CCDC187: variants seen among roughly 807,000 people sequenced by gnomAD.
The protein encoded by CCDC187 is coiled-coil domain-containing protein 187.
In CCDC187, 32 loss-of-function variants were observed where a neutral mutation model predicts 38.0. The observed-to-expected ratio is 0.84, with a 90% confidence interval of 0.64 to 1.13. The LOEUF is 1.13. Ranked by LOEUF, CCDC187 falls within the 50% of genes most tolerant of loss-of-function variation. CCDC187 has a pLI of 0.00. For synonymous variants in CCDC187, 333 were observed against 347.9 expected (o/e 0.96, Z 0.48); for missense variants, 707 against 786.8 (o/e 0.90, Z 1.21).
At chr9:136,289,926 C>T (rs1033088383) in intron 7 of CCDC187, 33 bp downstream of exon 7, 14 of 396,896 alleles carry the variant, frequency 3.5e-5, no homozygotes, top group Middle Eastern at 6.2e-4. Flanking sequence ...AGGCCCCGCC[C>T]GGCATGTGCA....
rs1423216302 is a variant in CCDC187, at chr9:136,250,310, G to A, written c.*3284C>T. The A allele has an allele frequency of 1.2e-5, 2 of 173,282 alleles. No homozygotes were observed. Among genetic ancestry groups the A allele is most frequent in the Non-Finnish European group, 2.5e-5 (2 of 80,292 alleles). The allele number at this position is 173,282 out of a possible 1,614,324, so 10.7% of individuals were successfully genotyped here. On this transcript the variant is annotated 3_prime_UTR_variant, in exon 26 of 26. Coordinates refer to ENST00000638797, the MANE Select transcript of CCDC187 (RefSeq NM_001378188.1). Reference sequence around the variant, plus strand: ...CCCTACCACCTGCCAGCGACGCGAGGCACCTGCTGGGCTCCCAGGGAAAGT... The same window carrying A: ...CCCTACCACCTGCCAGCGACGCGAGACACCTGCTGGGCTCCCAGGGAAAGT...
chr9:136,282,595 A>G (rs1221969371), intron 9 of CCDC187, among the ~76,000 whole-genome samples: 1 of 152,146 alleles, frequency 6.6e-6, no homozygotes, highest in Non-Finnish European at 1.5e-5. Context: ...GTGACCCAGA[A>G]CCCACTGGAG....
intron 14 of CCDC187, among the ~76,000 whole-genome samples, chr9:136,269,897 G>A (rs782367301): frequency 6.6e-6 from 1 of 152,068 alleles, no homozygotes; most frequent in Non-Finnish European, 1.5e-5. Context: ...GATATAAAAC[G>A]AAAAGATCCA....
At position 136,283,814 on chromosome 9, in the gene CCDC187, C is replaced by T. The variant is rs1051211247; in HGVS notation, c.2927+1699G>A. ...CCTTTTCAAAAATTCTCACTGCCTC[C>T]GCCTCTGCCTCCCACCCCTTCTCAA... On this transcript the variant is annotated intron_variant, in intron 9 of 25. Transcript: ENST00000638797. Among the ~76,000 whole-genome samples the T allele has an allele frequency of 3.4e-3, 512 of 152,330 alleles. 5 individuals are homozygous for T. Among genetic ancestry groups the T allele is most frequent in the Middle Eastern group, 0.014 (4 of 294 alleles).
intron 9 of CCDC187, among the ~76,000 whole-genome samples, 174 bp from the exon 10 acceptor site, chr9:136,281,837 G>T (rs1050548906): frequency 1.3e-5 from 2 of 152,194 alleles, no homozygotes; most frequent in Non-Finnish European, 2.9e-5. Context: ...AAAGCCTGGC[G>T]GGGGAAGGGC....
At chr9:136,290,148 G>A in intron 6 of CCDC187, 95 bp from the exon 7 acceptor site, 3 of 398,108 alleles carry the variant, frequency 7.5e-6, no homozygotes, top group Admixed American at 4.4e-5. Context: ...CCTCCCTTGG[G>A]GGTCTCAGGC....
chr9:136,272,096 T>C (rs1296719437), intron 14 of CCDC187, among the ~76,000 whole-genome samples: 1 of 151,600 alleles, frequency 6.6e-6, no homozygotes, highest in Non-Finnish European at 1.5e-5. Context: ...AAAACAGAGA[T>C]GAGATGAAGG....
At chr9:136,279,182 G>C (rs1017245285) in intron 10 of CCDC187, among the ~76,000 whole-genome samples, 8 of 151,946 alleles carry the variant, frequency 5.3e-5, no homozygotes, top group Admixed American at 2.0e-4. Context: ...AATCTAGAAG[G>C]TTCCATTGGA....
chr9:136,277,937 C>G (rs2131228052), intron 10 of CCDC187, among the ~76,000 whole-genome samples: 1 of 152,328 alleles, frequency 6.6e-6, no homozygotes, highest in South Asian at 2.1e-4. Context: ...AGCCATGAAC[C>G]ACAGCTAAGC....
chr9:136,281,713 A>G (rs1831047923), intron 9 of CCDC187, 50 bp from the exon 10 acceptor site: 2 of 398,594 alleles, frequency 5.0e-6, no homozygotes, highest in Non-Finnish European at 8.8e-6. Flanking sequence ...TGGAGGAGAC[A>G]GGAGGCAGGG....
At chr9:136,301,334 CA>C (rs1831676046) in intron 2 of CCDC187, among the ~76,000 whole-genome samples, 1 of 132,994 alleles carries the variant, frequency 7.5e-6, no homozygotes, top group African/African-American at 2.9e-5. Flanking sequence ...CACAAAAGGA[CA>C]AATTCTGTGA....
At position 136,286,585 on chromosome 9, in the gene CCDC187, G is replaced by A. The variant is rs1239286961; in HGVS notation, c.2333C>T (p.Pro778Leu). ...CTGGAGCTCCAGGGATCCCAGAGAGGGTGAAGCTGACAGCAGCACGGGGGC... is the reference window on the plus strand; with the variant it reads ...CTGGAGCTCCAGGGATCCCAGAGAGAGTGAAGCTGACAGCAGCACGGGGGC... Reference protein sequence around the residue: ...RDAPVLLSASPSLGSLELQDL... With the variant: ...RDAPVLLSASLSLGSLELQDL... Residue 778 changes from proline to leucine, a missense_variant, in exon 8 of 26, where the codon CCC becomes CTC. By Grantham distance (98) the Pro-to-Leu change is moderately conservative. Coordinates refer to ENST00000638797, the MANE Select transcript of CCDC187 (RefSeq NM_001378188.1). 9 of 398,674 alleles carry A rather than the reference G, an allele frequency of 2.3e-5. No individual in the cohort carries two copies. Among genetic ancestry groups the A allele is most frequent in the Admixed American group, 4.4e-5 (1 of 22,728 alleles). The allele number at this position is 398,674 out of a possible 1,614,324, so 24.7% of individuals were successfully genotyped here. A position where few individuals can be genotyped will look rare whatever the true frequency, so the allele number is the denominator to read the frequency against.
In CCDC187 at chr9:136,265,949, G is replaced by A; in HGVS notation, c.3735+7C>T. The A allele has an allele frequency of 1.0e-6, 1 of 985,400 alleles. No homozygotes were observed. The highest frequency in any genetic ancestry group is 1.2e-6 in the Non-Finnish European group (1 of 829,842). The allele number at this position is 985,400 out of a possible 1,614,324, so 61.0% of individuals were successfully genotyped here. A position where few individuals can be genotyped will look rare whatever the true frequency, so the allele number is the denominator to read the frequency against. On this transcript the variant is annotated splice_region_variant and intron_variant, in intron 17 of 25. Transcript: ENST00000638797. ...ACCCTGACCCACCAGGCCTGTGCTG[G>A]CCCCACCTGCTCCTTCTCCAATCTG...
chr9:136,293,299 A>G (rs1168687415), intron 4 of CCDC187, among the ~76,000 whole-genome samples: 81,297 of 139,270 alleles, frequency 0.58, 24,260 homozygotes, highest in Middle Eastern at 0.68. Context: ...ACACTCACAA[A>G]CACATGTTCA....
At chr9:136,289,581 T>TGGCTCCCCCAC (rs1356793855) in intron 7 of CCDC187, among the ~76,000 whole-genome samples, 3 of 147,414 alleles carry the variant, frequency 2.0e-5, no homozygotes, top group African/African-American at 7.6e-5. Flanking sequence ...GAGACCCCCA[T>TGGCTCCCCCAC]GGCTCCCCCA....
Position 136,250,491 on chromosome 9 carries a change from G to C in CCDC187, c.*3103C>G, listed in dbSNP as rs1336366673. 2.1e-5 allele frequency: 7 copies of C among 341,210 alleles called. No individual in the cohort carries two copies. Among genetic ancestry groups the C allele is most frequent in the Non-Finnish European group, 4.1e-5 (7 of 172,478 alleles). The allele number at this position is 341,210 out of a possible 1,614,324, so 21.1% of individuals were successfully genotyped here. On this transcript the variant is annotated 3_prime_UTR_variant, in exon 26 of 26. Transcript: ENST00000638797. Reference sequence around the variant, plus strand: ...CGTCATGCCAGATGCGTGTGTGTGAGATACATAATTCCTCTCACACGGCCT... The same window carrying C: ...CGTCATGCCAGATGCGTGTGTGTGACATACATAATTCCTCTCACACGGCCT...
chr9:136,286,164 G>C lies in CCDC187; in HGVS notation c.2754C>G (p.Gly918=). 2.5e-6 allele frequency: 1 copy of C among 398,556 alleles called. No individual in the cohort carries two copies. The highest frequency in any genetic ancestry group is 4.4e-6 in the Non-Finnish European group (1 of 226,028). 24.7% of individuals were successfully genotyped at this position (398,556 alleles called of 1,614,324 possible). Reference sequence around the variant, plus strand: ...AGCTGGGGCCCCACGACAGTGTCTCGCCGTCCAGGAAGTAGGTCGGGGGCA... The same window carrying C: ...AGCTGGGGCCCCACGACAGTGTCTCCCCGTCCAGGAAGTAGGTCGGGGGCA... ...PLLPPTYFLD[G]ETLSWGPSWE... is the part of the protein sequence containing the mutation. The change falls in exon 8 of 26, where the codon GGC becomes GGG. Residue 918 remains glycine (G), a synonymous_variant. Transcript: ENST00000638797.
In CCDC187 at chr9:136,260,105, C is replaced by T. The variant is rs1335703973; in HGVS notation, c.4210+14G>A. ...TCCGTCTGACCCTGGGCGGTCGCCG[C>T]GGCTGCTCATTACCTTGACTGACAT... On this transcript the variant is annotated intron_variant, in intron 20 of 25. Coordinates refer to ENST00000638797, the MANE Select transcript of CCDC187 (RefSeq NM_001378188.1). 3.0e-6 allele frequency: 3 copies of T among 985,410 alleles called. No homozygotes were observed. The highest frequency in any genetic ancestry group is 1.7e-5 in the African/African-American group (1 of 57,330). The allele number at this position is 985,410 out of a possible 1,614,324, so 61.0% of individuals were successfully genotyped here.
At chr9:136,296,047 A>AC (rs2131341706) in intron 4 of CCDC187, 1 of 152,304 alleles carries the variant, frequency 6.6e-6, no homozygotes, top group East Asian at 1.9e-4. Flanking sequence ...GGGTATGGGC[A>AC]CAGAGGCGTT....
Sources: gnomAD v4.1 joint callset for allele counts (sites outside exome capture counted in the v4.1 genomes callset) on GRCh38, gnomAD v4.1.1 for gene constraint, MANE v1.5 for transcripts, NCBI Gene and HGNC (gene_info 2026-07-23, HGNC 2026-07-21) for gene names.